Variants in GSE1 observed in about 807,000 individuals in gnomAD.
The protein encoded by GSE1 is Gse1 coiled-coil protein, also known as genetic suppressor element 1.
In GSE1, 32 loss-of-function variants were observed where a neutral mutation model predicts 112.6. The observed-to-expected ratio is 0.28, with a 90% CI of 0.21 to 0.38. GSE1 has a LOEUF of 0.38. Ranked by LOEUF, GSE1 falls within the 10% of genes least tolerant of loss-of-function variation. The probability of loss-of-function intolerance (pLI) is 1.00; values close to 1 mark genes in which losing one functional copy is unlikely to be tolerated. For missense variants in GSE1, 2,348 were observed against 1,699.2 expected (o/e 1.38, Z -6.71); for synonymous variants, 1,115 against 735.6 (o/e 1.52, Z -8.35).
chr16:85,610,753 C>T (rs767919163), upstream of GSE1, among the ~76,000 whole-genome samples: 5 of 152,352 alleles, frequency 3.3e-5, no homozygotes, highest in Admixed American at 6.5e-5. Flanking sequence ...AGGGGAGTGA[C>T]TTCCAGGTGT....
At chr16:85,615,859 C>T (rs1021484593) in intron 1 of GSE1, among the ~76,000 whole-genome samples, 2 of 152,190 alleles carry the variant, frequency 1.3e-5, no homozygotes, top group African/African-American at 4.8e-5. Context: ...TGTCAGAGCT[C>T]CCCAGCTGAT....
At chr16:85,665,868 C>G (rs535602994) in intron 12 of GSE1, 108 bp from the exon 13 acceptor site, 1 of 1,047,778 alleles carries the variant, frequency 9.5e-7, no homozygotes, top group African/African-American at 1.6e-5. Context: ...TGGTTCTTTG[C>G]GCTAGGTCTT....
At position 85,523,871 on chromosome 16, in the gene GSE1, G is replaced by C. The variant is rs945784686; in HGVS notation, c.2465-110043G>C. Reference sequence around the variant, plus strand: ...GCTCTTGCCTGGAGGGCAGTGCTGCGGGAGGCGGGGTCAACAGGCCCAGGC... The same window carrying C: ...GCTCTTGCCTGGAGGGCAGTGCTGCCGGAGGCGGGGTCAACAGGCCCAGGC... On this transcript the variant is annotated intron_variant, in intron 2 of 2. Transcript: ENST00000637419. Among the ~76,000 whole-genome samples, 58 of 152,242 alleles carry C rather than the reference G, an allele frequency of 3.8e-4. 1 individual carries two copies. The highest frequency in any genetic ancestry group is 1.4e-3 in the African/African-American group (58 of 41,468).
intron 2 of GSE1, among the ~76,000 whole-genome samples, chr16:85,646,673 G>A (rs556332432): frequency 2.6e-5 from 4 of 152,288 alleles, no homozygotes; most frequent in South Asian, 2.1e-4. Context: ...GTCCACAACC[G>A]TGTGAGCGGC....
intron 8 of GSE1, among the ~76,000 whole-genome samples, chr16:85,658,979 A>G (rs1315344966): frequency 6.6e-6 from 1 of 152,238 alleles, no homozygotes. Flanking sequence ...GTGGCCTTAC[A>G]GCATTGTGAA....
intron 1 of GSE1, among the ~76,000 whole-genome samples, chr16:85,275,284 C>G (rs12599713): frequency 6.6e-6 from 1 of 152,068 alleles, no homozygotes; most frequent in Non-Finnish European, 1.5e-5. Context: ...AGCCCCCGTT[C>G]CTCCACACCG....
chr16:85,286,960 C>T (rs917074971), intron 1 of GSE1, among the ~76,000 whole-genome samples: 1 of 152,208 alleles, frequency 6.6e-6, no homozygotes, highest in South Asian at 2.1e-4. Context: ...GTGCTTCCAC[C>T]CTGGAAAGCG....
chr16:85,201,390 G>A (rs1037699541), intron 1 of GSE1, among the ~76,000 whole-genome samples: 19 of 150,828 alleles, frequency 1.3e-4, no homozygotes, highest in Admixed American at 4.0e-4. Flanking sequence ...GGGCACGATG[G>A]CTCACTCCTG....
At chr16:85,171,902 G>C (rs946912192) in intron 1 of GSE1, 2 of 721,940 alleles carry the variant, frequency 2.8e-6, no homozygotes, top group Middle Eastern at 6.9e-4. Flanking sequence ...AACTCTGAAG[G>C]AGGAGTTTTC....
chr16:85,648,434 C>G, intron 2 of GSE1, 118 bp from the exon 3 acceptor site: 1 of 610,526 alleles, frequency 1.6e-6, no homozygotes, highest in Non-Finnish European at 2.9e-6. Context: ...GGCTGGTAGA[C>G]CTGGAGGTCT....
At chr16:85,654,237 A>T (rs757920669) in intron 3 of GSE1, 41 bp from the exon 4 acceptor site, 3 of 1,553,286 alleles carry the variant, frequency 1.9e-6, no homozygotes. Context: ...TCAGTGGCCT[A>T]TACCAGGCTC....
chr16:85,572,520 C>T (rs1036250794), intron 1 of GSE1, among the ~76,000 whole-genome samples: 8 of 152,006 alleles, frequency 5.3e-5, no homozygotes, highest in African/African-American at 1.9e-4. Context: ...ACCACACACA[C>T]ACCGCACACA....
chr16:85,322,002 G>A (rs2046118111), intron 1 of GSE1, among the ~76,000 whole-genome samples: 1 of 152,214 alleles, frequency 6.6e-6, no homozygotes, highest in Non-Finnish European at 1.5e-5. Context: ...ACTGAGCCTG[G>A]CCGCGGCTCC....
chr16:85,199,324 A>T (rs1457406566), intron 1 of GSE1, among the ~76,000 whole-genome samples: 2 of 151,714 alleles, frequency 1.3e-5, no homozygotes. Context: ...GGACTCAAGC[A>T]ATCCTCCCGC....
chr16:85,602,278 C>T (rs1291872467), intron 1 of GSE1, among the ~76,000 whole-genome samples: 45 of 152,146 alleles, frequency 3.0e-4, no homozygotes, highest in Admixed American at 2.9e-3. Context: ...GCGGGAGCAG[C>T]GTGTGGACTG....
intron 2 of GSE1, among the ~76,000 whole-genome samples, chr16:85,519,567 T>TTTCAC (rs1555526332): frequency 0.36 from 425 of 1,190 alleles, 113 homozygotes; most frequent in Middle Eastern, 0.5. Context: ...ACTATCATCA[T>TTTCAC]CACCATCACC....
intron 2 of GSE1, 100 bp downstream of exon 2, chr16:85,634,232 C>CT (rs1283456630): frequency 1.2e-6 from 1 of 812,966 alleles, no homozygotes; most frequent in Non-Finnish European, 1.8e-6. Context: ...CAGGTCTCGT[C>CT]TTTCCCACGC....
chr16:85,528,852 T>A (rs1007951341), intron 2 of GSE1, among the ~76,000 whole-genome samples: 41 of 151,806 alleles, frequency 2.7e-4, no homozygotes, highest in African/African-American at 9.7e-4. Flanking sequence ...GTGGAGGAGG[T>A]AAGACAGGCA....
chr16:85,450,117 C>CTTT (rs59854597), intron 2 of GSE1, among the ~76,000 whole-genome samples: 56,024 of 79,656 alleles, frequency 0.7, 21,144 homozygotes, highest in South Asian at 0.81. Context: ...AGGCAGCTGA[C>CTTT]TTTTTTTTTT....
Sources: allele counts gnomAD v4.1 joint callset (sites outside exome capture counted in the v4.1 genomes callset), GRCh38; gene constraint gnomAD v4.1.1; transcripts MANE v1.5; gene names NCBI Gene and HGNC (gene_info 2026-07-23, HGNC 2026-07-21).